The following IL2RA variants were observed in gnomAD, a reference collection of about 807,000 sequenced individuals.
IL2RA encodes interleukin-2 receptor subunit alpha.
Under a neutral mutation model 37.8 loss-of-function variants are expected in IL2RA, and 24 were observed. The ratio of observed to expected loss-of-function variants is 0.63; its 90% CI spans 0.46 to 0.89. The LOEUF is 0.89. IL2RA is among the 40% of genes least tolerant of loss of function. The pLI, the probability that IL2RA is intolerant of heterozygous loss-of-function variation, is 0.00. For missense variants in IL2RA, 319 were observed against 348.6 expected, an observed-to-expected ratio of 0.92 and a Z score of 0.68; for synonymous variants, 125 against 114.6, an observed-to-expected ratio of 1.09 and a Z score of -0.58.
At chr10:6,016,562 A>G (rs1285557706) in intron 7 of IL2RA, among the ~76,000 whole-genome samples, 5 of 151,708 alleles carry the variant, frequency 3.3e-5, no homozygotes, top group Non-Finnish European at 7.4e-5. Context: ...AATCATTGAT[A>G]TCTTTTACCT....
intron 1 of IL2RA, among the ~76,000 whole-genome samples, chr10:6,031,442 GTATATATATATACATATATATATATATA>G (rs1471825132): frequency 1.1e-4 from 6 of 54,048 alleles, no homozygotes; most frequent in East Asian, 1.2e-3. Flanking sequence ...AGCAATTTCA[GTATATATATATACATATATATATATATA>G]TATATATATA....
rs1839514137 is a variant in IL2RA, at chr10:6,028,131, T to C, written c.65-2106A>G. ...AGTTGCCCTGGCTTCCTTCCTGGGG[T>C]GCTTTCCTTCCCGGCAGCACCCAGG... On this transcript the variant is annotated intron_variant, in intron 1 of 7. Transcript: ENST00000379959. The surrounding 1 kb of genome is among the most constrained non-coding windows in gnomAD (Gnocchi z 4.1). Among the ~76,000 whole-genome samples, 1 of 151,878 alleles carries C rather than the reference T, an allele frequency of 6.6e-6. No individual in the cohort carries two copies. Among genetic ancestry groups the C allele is most frequent in the Non-Finnish European group, 1.5e-5 (1 of 67,984 alleles).
intron 1 of IL2RA, among the ~76,000 whole-genome samples, chr10:6,042,283 A>T (rs1839784897): frequency 6.6e-6 from 1 of 151,908 alleles, no homozygotes; most frequent in Non-Finnish European, 1.5e-5. Flanking sequence ...CAATCATTTT[A>T]ATAGATGAAG....
In IL2RA at chr10:6,016,038, A is replaced by G. The variant is rs563092829; in HGVS notation, c.794+2015T>C. ...GTACAACATTGCAAACATACTAAAT[A>G]CCACTTACTGTGGTTTGAATACATC... On this transcript the variant is annotated intron_variant, in intron 7 of 7. Transcript: ENST00000379959. Among the ~76,000 whole-genome samples, 10 of 152,278 alleles carry G rather than the reference A, an allele frequency of 6.6e-5. No homozygotes were observed. In the South Asian group the frequency reaches 2.1e-3, roughly 32 times the overall value.
chr10:6,031,153 A>G (rs560932800), intron 1 of IL2RA, among the ~76,000 whole-genome samples: 6 of 152,116 alleles, frequency 3.9e-5, no homozygotes, highest in South Asian at 2.1e-4. Context: ...ACAAAAATCC[A>G]TACTTTAAGA....
In IL2RA at chr10:6,020,724, G is replaced by A. The variant is rs1463815621; in HGVS notation, c.583+754C>T. Among the ~76,000 whole-genome samples, 4 of 151,996 alleles carry A rather than the reference G, an allele frequency of 2.6e-5. No individual in the cohort carries two copies. The highest frequency in any genetic ancestry group is 4.4e-5 in the Non-Finnish European group (3 of 68,004). On this transcript the variant is annotated intron_variant, in intron 4 of 7. Transcript: ENST00000379959. This position sits in a 1 kb window ranked among gnomAD's most constrained non-coding sequence, Gnocchi z 5.6. ...ATTTTTGTATTTTTAGTAGAGACGG[G>A]GTTTCACCATGTTGGCCAGGCTGGT...
intron 3 of IL2RA, among the ~76,000 whole-genome samples, chr10:6,023,476 C>G (rs187378733): frequency 1.1e-3 from 170 of 152,320 alleles, no homozygotes; most frequent in Non-Finnish European, 2.1e-3. Context: ...GCTGGGACTA[C>G]AGGCATCCAC....
At chr10:6,024,466 C>G in intron 2 of IL2RA, 112 bp from the exon 3 acceptor site, 2 of 772,976 alleles carry the variant, frequency 2.6e-6, no homozygotes, top group South Asian at 3.1e-5. Context: ...CACGATGTGT[C>G]TGGTGGTGTC....
rs1189961364 is a variant in IL2RA, at chr10:6,033,663, A to G, written c.65-7638T>C. Among the ~76,000 whole-genome samples the G allele has an allele frequency of 6.6e-6, 1 of 152,250 alleles. No individual in the cohort carries two copies. Among genetic ancestry groups the G allele is most frequent in the Non-Finnish European group, 1.5e-5 (1 of 68,034 alleles). On this transcript the variant is annotated intron_variant, in intron 1 of 7. Transcript: ENST00000379959. The surrounding 1 kb of genome is among the most constrained non-coding windows in gnomAD (Gnocchi z 4.3). ...AATATTGATAAATCTCAAAAATGTT[A>G]TGTTGAACAAAATAAGCTAAACACG...
chr10:6,031,522 G>GTATATATATATATATGTATATATA (rs57251959), intron 1 of IL2RA, among the ~76,000 whole-genome samples: 1 of 67,106 alleles, frequency 1.5e-5, no homozygotes, highest in African/African-American at 5.1e-5. Flanking sequence ...GTATATATAT[G>GTATATATATATATATGTATATATA]TATATATATA....
In IL2RA at chr10:6,038,085, C is replaced by T. The variant is rs112366598; in HGVS notation, c.65-12060G>A. 2.1e-3 allele frequency among the ~76,000 whole-genome samples: 320 copies of T among 152,278 alleles called. 1 individual carries two copies. Among genetic ancestry groups the T allele is most frequent in the African/African-American group, 7.4e-3 (309 of 41,558 alleles). ...GAGCTCAAAGATCATTTAGGCCAACCTCTACATTTTATAGATAAGAACACT... is the reference window on the plus strand; with the variant it reads ...GAGCTCAAAGATCATTTAGGCCAACTTCTACATTTTATAGATAAGAACACT... On this transcript the variant is annotated intron_variant, in intron 1 of 7. Transcript: ENST00000379959.
At position 6,017,572 on chromosome 10, in the gene IL2RA, A is replaced by ATTTTTTTTT. The variant is rs71390109; in HGVS notation, c.794+472_794+480dup. On this transcript the variant is annotated intron_variant, in intron 7 of 7. Coordinates refer to ENST00000379959, the MANE Select transcript of IL2RA (RefSeq NM_000417.3). ...GCCTTCCCATTTCCCTGGTCGTTTA[A>ATTTTTTTTT]TTTTTTTTTTTTTTTTTTTTTGAGA... 9.5e-5 allele frequency among the ~76,000 whole-genome samples: 10 copies of ATTTTTTTTT among 104,866 alleles called. 1 individual carries two copies. The highest frequency in any genetic ancestry group is 1.1e-4 in the Admixed American group (1 of 9,494). The allele number at this position is 104,866 out of a possible 152,430, so 68.8% of individuals were successfully genotyped here.
chr10:6,051,517 ATT>A (rs1206402104), intron 1 of IL2RA, among the ~76,000 whole-genome samples: 131 of 100,842 alleles, frequency 1.3e-3, no homozygotes, highest in East Asian at 5.5e-3. Flanking sequence ...ATATATATAT[ATT>A]TTTTTTCTTT....
intron 1 of IL2RA, among the ~76,000 whole-genome samples, chr10:6,026,963 C>T (rs572304274): frequency 2.6e-5 from 4 of 152,294 alleles, no homozygotes; most frequent in East Asian, 1.9e-4. Flanking sequence ...CTCTGCCCAG[C>T]ACCTTGTCCT....
chr10:6,060,181 T>C (rs1242091050), intron 1 of IL2RA, among the ~76,000 whole-genome samples: 1 of 152,218 alleles, frequency 6.6e-6, no homozygotes, highest in African/African-American at 2.4e-5. Flanking sequence ...ACCCTGTGGA[T>C]GTAGAAATCA....
At position 6,062,359 on chromosome 10, in the gene IL2RA, C is replaced by T; in HGVS notation, c.-208G>A. ...TAAGTATTGGGCTGGCGTGTTCAGC[C>T]AGGAAACTGCCTAGCACTCTCTTCT... On this transcript the variant is annotated 5_prime_UTR_variant, in exon 1 of 8. Transcript: ENST00000379959. The T allele has an allele frequency of 2.1e-6, 1 of 475,244 alleles. No individual in the cohort carries two copies. The highest frequency in any genetic ancestry group is 3.8e-6 in the Non-Finnish European group (1 of 261,924). The allele number at this position is 475,244 out of a possible 1,614,324, so 29.4% of individuals were successfully genotyped here.
intron 1 of IL2RA, among the ~76,000 whole-genome samples, chr10:6,038,481 A>G (rs1176553633): frequency 6.6e-6 from 1 of 152,216 alleles, no homozygotes; most frequent in African/African-American, 2.4e-5. Flanking sequence ...TGGAAGGTAG[A>G]TACTGTCATC....
At position 6,033,689 on chromosome 10, in the gene IL2RA, A is replaced by T. The variant is rs1208005568; in HGVS notation, c.65-7664T>A. Among the ~76,000 whole-genome samples the T allele has an allele frequency of 6.6e-6, 1 of 152,264 alleles. No individual in the cohort carries two copies. Among genetic ancestry groups the T allele is most frequent in the Non-Finnish European group, 1.5e-5 (1 of 68,044 alleles). ...TGTTGAACAAAATAAGCTAAACACG[A>T]AATAGTGCATACACTTTGCTTTCAT... On this transcript the variant is annotated intron_variant, in intron 1 of 7. Transcript: ENST00000379959. The surrounding 1 kb of genome is among the most constrained non-coding windows in gnomAD (Gnocchi z 4.3).
chr10:6,032,468 A>G (rs1473884843), intron 1 of IL2RA, among the ~76,000 whole-genome samples: 8 of 152,018 alleles, frequency 5.3e-5, no homozygotes, highest in South Asian at 4.1e-4. Context: ...CGGGGCGGGC[A>G]GATCACAAGG....
Sources: gnomAD v4.1 joint callset for allele counts (sites outside exome capture counted in the v4.1 genomes callset) on GRCh38, gnomAD v4.1.1 for gene constraint, Gnocchi (gnomAD v3.1) non-coding constraint, MANE v1.5 for transcripts, NCBI Gene and HGNC (gene_info 2026-07-23, HGNC 2026-07-21) for gene names.